The following BTC variants were observed in gnomAD, a reference collection of about 807,000 sequenced individuals.
The protein encoded by BTC is probetacellulin.
A neutral mutation model predicts 18.1 loss-of-function variants in BTC; 13 were observed. The ratio of observed to expected loss-of-function variants is 0.72; its 90% CI spans 0.47 to 1.14. The LOEUF is 1.14. BTC is among the 50% of genes most tolerant of loss of function. The pLI is 0.00. For synonymous variants in BTC, 83 were observed against 79.4 expected, an observed-to-expected ratio of 1.05 and a Z score of -0.24; for missense variants, 247 against 224.2, an observed-to-expected ratio of 1.10 and a Z score of -0.65.
chr4:74,791,971 A>T (rs936446100), intron 1 of BTC, among the ~76,000 whole-genome samples: 7 of 111,888 alleles, frequency 6.3e-5, no homozygotes, highest in African/African-American at 1.6e-4. Flanking sequence ...CCACCATCTC[A>T]CACACACACA....
rs138564769 is a variant in BTC, at chr4:74,784,334, G to A, written c.64+9928C>T. ...GCTTATCAGCTTAATAAGCTTTTGGGCTGAGACATGGGGTTTTCTACATAT... is the reference window on the plus strand; with the variant it reads ...GCTTATCAGCTTAATAAGCTTTTGGACTGAGACATGGGGTTTTCTACATAT... On this transcript the variant is annotated intron_variant, in intron 1 of 5. Coordinates refer to ENST00000395743, the MANE Select transcript of BTC (RefSeq NM_001729.4). Among the ~76,000 whole-genome samples, 5 of 152,176 alleles carry A rather than the reference G, an allele frequency of 3.3e-5. No individual in the cohort carries two copies. The East Asian group carries it at 9.7e-4, about 29-fold the overall frequency.
intron 2 of BTC, among the ~76,000 whole-genome samples, chr4:74,758,060 A>G (rs1262410976): frequency 1.3e-5 from 2 of 152,218 alleles, no homozygotes; most frequent in African/African-American, 4.8e-5. Context: ...AGAGAAATGT[A>G]TGGAAAATGT....
At chr4:74,777,857 T>C (rs969170100) in intron 1 of BTC, among the ~76,000 whole-genome samples, 2 of 152,114 alleles carry the variant, frequency 1.3e-5, no homozygotes, top group Non-Finnish European at 2.9e-5. Flanking sequence ...TCTCTAATTT[T>C]TAAAAAATAA....
chr4:74,776,020 T>TC lies in BTC; in HGVS notation c.65-5865dup, dbSNP rs370270145. On this transcript the variant is annotated intron_variant, in intron 1 of 5. Transcript: ENST00000395743. ...GGCTTTCAGGCCCTACACTGGGAGC[T>TC]CCCCATAGCATATCAGCCCTTTTTG... 2.0e-3 allele frequency among the ~76,000 whole-genome samples: 297 copies of TC among 152,264 alleles called. 1 individual carries two copies. The highest frequency in any genetic ancestry group is 6.8e-3 in the African/African-American group (282 of 41,550).
At chr4:74,774,104 T>C (rs549211351) in intron 1 of BTC, among the ~76,000 whole-genome samples, 76 of 152,310 alleles carry the variant, frequency 5.0e-4, no homozygotes, top group African/African-American at 1.8e-3. Flanking sequence ...ACAAAAAAAG[T>C]GTAAGCAAGA....
At chr4:74,779,705 T>C (rs776625760) in intron 1 of BTC, among the ~76,000 whole-genome samples, 2 of 152,104 alleles carry the variant, frequency 1.3e-5, no homozygotes, top group African/African-American at 2.4e-5. Context: ...GAAACAGTCA[T>C]CAAACTTTAA....
chr4:74,769,856 G>C (rs1451822815), intron 2 of BTC, among the ~76,000 whole-genome samples: 2 of 152,068 alleles, frequency 1.3e-5, no homozygotes, highest in Non-Finnish European at 2.9e-5. Context: ...CTTAATCTTT[G>C]TAGGTTTCTC....
At chr4:74,775,503 T>C (rs1016541193) in intron 1 of BTC, among the ~76,000 whole-genome samples, 3 of 152,122 alleles carry the variant, frequency 2.0e-5, no homozygotes, top group Non-Finnish European at 4.4e-5. Context: ...ACTAAAAGTA[T>C]TAAAATTTCC....
At chr4:74,775,534 C>T (rs1352818536) in intron 1 of BTC, among the ~76,000 whole-genome samples, 3 of 152,044 alleles carry the variant, frequency 2.0e-5, no homozygotes, top group African/African-American at 7.2e-5. Context: ...CTCTCAACTC[C>T]CCAGAAATCA....
chr4:74,759,351 G>A (rs1724688136), intron 2 of BTC, among the ~76,000 whole-genome samples: 1 of 152,068 alleles, frequency 6.6e-6, no homozygotes, highest in Admixed American at 6.6e-5. Context: ...GAGGTGGTGG[G>A]ACACAATCGA....
rs1725142339 is a variant in BTC, at chr4:74,775,067, T to C, written c.65-4911A>G. On this transcript the variant is annotated intron_variant, in intron 1 of 5. Coordinates refer to ENST00000395743, the MANE Select transcript of BTC (RefSeq NM_001729.4). ...TGGTACCAATCACAAAGATACAAGG[T>C]ATAAAGAAGGGAAACAGGTTGAGCA... 2.0e-5 allele frequency among the ~76,000 whole-genome samples: 3 copies of C among 152,090 alleles called. 1 individual carries two copies. In the South Asian group the frequency reaches 6.2e-4, roughly 32 times the overall value.
At chr4:74,780,268 T>C (rs1332030350) in intron 1 of BTC, among the ~76,000 whole-genome samples, 2 of 152,214 alleles carry the variant, frequency 1.3e-5, no homozygotes, top group African/African-American at 4.8e-5. Context: ...GAAAGACAGA[T>C]TCCCAATTAA....
intron 5 of BTC, 33 bp downstream of exon 5, chr4:74,748,007 A>C (rs201373604): frequency 7.9e-7 from 1 of 1,268,028 alleles, no homozygotes. Context: ...TGTCACCTGA[A>C]TAGTTTTCTA....
intron 1 of BTC, among the ~76,000 whole-genome samples, chr4:74,781,430 A>G (rs72867588): frequency 0.18 from 27,026 of 150,078 alleles, 4,057 homozygotes; most frequent in African/African-American, 0.42. Context: ...TTCAGTTACC[A>G]ACAATCTCTT....
At chr4:74,778,432 G>A (rs1356820626) in intron 1 of BTC, among the ~76,000 whole-genome samples, 2 of 152,078 alleles carry the variant, frequency 1.3e-5, no homozygotes, top group African/African-American at 2.4e-5. Flanking sequence ...TGAGAATAAG[G>A]AAGAAAGGAA....
intron 2 of BTC, 35 bp from the exon 3 acceptor site, chr4:74,756,011 T>G (rs1553956683): frequency 6.8e-7 from 1 of 1,466,718 alleles, no homozygotes; most frequent in South Asian, 1.1e-5. Flanking sequence ...AAATCAACTC[T>G]CTTTAAATAT....
intron 1 of BTC, among the ~76,000 whole-genome samples, chr4:74,781,851 A>G (rs909401421): frequency 6.6e-6 from 1 of 152,062 alleles, no homozygotes; most frequent in African/African-American, 2.4e-5. Context: ...CTCTATACCC[A>G]TTAAACAATA....
At chr4:74,774,288 T>C (rs1021985793) in intron 1 of BTC, among the ~76,000 whole-genome samples, 10 of 152,224 alleles carry the variant, frequency 6.6e-5, no homozygotes, top group Admixed American at 5.9e-4. Context: ...CTGCCAGTTC[T>C]TGAATGTTTT....
At position 74,745,192 on chromosome 4, in the gene BTC, A is replaced by T. The variant is rs72659197; in HGVS notation, c.*1485T>A. ...GTATGACCATTAAATCAGGAGAAAA[A>T]ATAGATTTTGAAAATTATCAGTTGT... On this transcript the variant is annotated 3_prime_UTR_variant, in exon 6 of 6. Coordinates refer to ENST00000395743, the MANE Select transcript of BTC (RefSeq NM_001729.4). The T allele has an allele frequency of 0.24, 37,194 of 152,152 alleles. 4,753 individuals are homozygous for T. The highest frequency in any genetic ancestry group is 0.29 in the Middle Eastern group (83 of 290). 9.4% of individuals were successfully genotyped at this position (152,152 alleles called of 1,614,324 possible).
Sources: gnomAD v4.1 joint callset for allele counts (sites outside exome capture counted in the v4.1 genomes callset) on GRCh38, gnomAD v4.1.1 for gene constraint, MANE v1.5 for transcripts, NCBI Gene and HGNC (gene_info 2026-07-23, HGNC 2026-07-21) for gene names.